SHC3: variants seen among roughly 807,000 people sequenced by gnomAD.
SHC3 encodes SHC-transforming protein 3.
A neutral mutation model predicts 60.4 loss-of-function variants in SHC3; 15 were observed. That is an observed-to-expected ratio of 0.25 (90% CI 0.17 to 0.38). The LOEUF is 0.38. SHC3 is among the 10% of genes least tolerant of loss of function. The probability of loss-of-function intolerance (pLI) is 1.00; values close to 1 mark genes in which losing one functional copy is unlikely to be tolerated. For synonymous variants in SHC3, 294 were observed against 325.9 expected (o/e 0.90, Z 1.05); for missense variants, 677 against 786.1 (o/e 0.86, Z 1.66).
chr9:89,033,618 C>G lies in SHC3; in HGVS notation c.1656+4375G>C, dbSNP rs561095919. ...TTGTTCATCAAATGCTTGTTGAATACTGCTATGTGCCAGGCACTACTCTAC... is the reference window on the plus strand; with the variant it reads ...TTGTTCATCAAATGCTTGTTGAATAGTGCTATGTGCCAGGCACTACTCTAC... On this transcript the variant is annotated intron_variant, in intron 11 of 11. Transcript: ENST00000375835. Among the ~76,000 whole-genome samples, 23 of 152,334 alleles carry G rather than the reference C, an allele frequency of 1.5e-4. No homozygotes were observed. In the East Asian group the frequency reaches 4.0e-3, roughly 27 times the overall value.
intron 10 of SHC3, among the ~76,000 whole-genome samples, chr9:89,039,908 T>C (rs1462412381): frequency 6.6e-6 from 1 of 151,196 alleles, no homozygotes; most frequent in South Asian, 2.1e-4. Flanking sequence ...ATCATCACCA[T>C]CACTGTCACC....
At chr9:89,047,508 A>G (rs1824793336) in intron 7 of SHC3, among the ~76,000 whole-genome samples, 1 of 152,238 alleles carries the variant, frequency 6.6e-6, no homozygotes, top group Non-Finnish European at 1.5e-5. Context: ...CTTAAATGAG[A>G]CATGTATCTA....
intron 6 of SHC3, among the ~76,000 whole-genome samples, chr9:89,052,855 G>A (rs79793724): frequency 9.2e-5 from 14 of 152,296 alleles, no homozygotes; most frequent in East Asian, 1.9e-4. Context: ...TAGGGGTGGC[G>A]GTAGGCCAAA....
intron 6 of SHC3, among the ~76,000 whole-genome samples, chr9:89,058,141 T>C (rs116537789): frequency 0.018 from 2,753 of 152,226 alleles, 81 homozygotes; most frequent in African/African-American, 0.062. Flanking sequence ...GTTTGTGACA[T>C]TTTATTATAA....
chr9:89,170,354 T>C (rs1232058831), intron 1 of SHC3, among the ~76,000 whole-genome samples: 2 of 152,228 alleles, frequency 1.3e-5, no homozygotes, highest in Non-Finnish European at 2.9e-5. Context: ...CCTAGAAAGA[T>C]GCATATGTCG....
intron 2 of SHC3, among the ~76,000 whole-genome samples, chr9:89,096,564 T>G (rs1472798513): frequency 6.6e-6 from 1 of 152,184 alleles, no homozygotes; most frequent in Admixed American, 6.5e-5. Context: ...ATGTGCAAAA[T>G]AAACTGAAAA....
chr9:89,171,124 T>A (rs1332335298), intron 1 of SHC3, among the ~76,000 whole-genome samples: 2 of 152,212 alleles, frequency 1.3e-5, no homozygotes, highest in African/African-American at 4.8e-5. Flanking sequence ...ATAAAAGCCA[T>A]CTGTGACTCC....
chr9:89,105,059 C>A (rs1187447200), intron 2 of SHC3, among the ~76,000 whole-genome samples: 2 of 152,274 alleles, frequency 1.3e-5, no homozygotes, highest in South Asian at 2.1e-4. Context: ...TGCATCCCAG[C>A]CGACTGCAAG....
At chr9:89,048,692 G>A (rs1433549936) in intron 7 of SHC3, among the ~76,000 whole-genome samples, 1 of 152,208 alleles carries the variant, frequency 6.6e-6, no homozygotes, top group African/African-American at 2.4e-5. Flanking sequence ...AATAAATGGA[G>A]TCTTAGTGGC....
chr9:89,013,301 C>T lies in SHC3; in HGVS notation c.*146G>A. The T allele has an allele frequency of 2.0e-6, 2 of 1,014,534 alleles. No homozygotes were observed. The highest frequency in any genetic ancestry group is 2.7e-6 in the Non-Finnish European group (2 of 753,222). 62.8% of individuals were successfully genotyped at this position (1,014,534 alleles called of 1,614,324 possible). A position where few individuals can be genotyped will look rare whatever the true frequency, so the allele number is the denominator to read the frequency against. On this transcript the variant is annotated 3_prime_UTR_variant, in exon 12 of 12. Coordinates refer to ENST00000375835, the MANE Select transcript of SHC3 (RefSeq NM_016848.6). ...GAAATTCAGAACCAAGTTTATGAAACTTGACCTTAAAGGAAGCCTTCCTTT... is the reference window on the plus strand; with the variant it reads ...GAAATTCAGAACCAAGTTTATGAAATTTGACCTTAAAGGAAGCCTTCCTTT...
intron 9 of SHC3, among the ~76,000 whole-genome samples, chr9:89,044,349 T>C (rs1824738433): frequency 6.6e-6 from 1 of 152,236 alleles, no homozygotes; most frequent in South Asian, 2.1e-4. Flanking sequence ...TTTTATTGAC[T>C]GGGCCAGCAC....
chr9:89,026,427 C>T (rs530874005), intron 11 of SHC3, among the ~76,000 whole-genome samples: 3 of 152,158 alleles, frequency 2.0e-5, no homozygotes, highest in Non-Finnish European at 4.4e-5. Context: ...TAAACTCTTT[C>T]AACCAATTGC....
At chr9:89,159,465 A>T (rs1826672859) in intron 1 of SHC3, among the ~76,000 whole-genome samples, 1 of 152,234 alleles carries the variant, frequency 6.6e-6, no homozygotes, top group Non-Finnish European at 1.5e-5. Flanking sequence ...AAGGACTGTC[A>T]TCTGGTAAGG....
At chr9:89,134,341 G>T (rs1291604885) in intron 1 of SHC3, among the ~76,000 whole-genome samples, 1 of 152,048 alleles carries the variant, frequency 6.6e-6, no homozygotes, top group East Asian at 1.9e-4. Flanking sequence ...TTGTTAAAAA[G>T]ATTCTTTGTG....
At chr9:89,167,573 C>T (rs1826808122) in intron 1 of SHC3, among the ~76,000 whole-genome samples, 1 of 152,234 alleles carries the variant, frequency 6.6e-6, no homozygotes, top group African/African-American at 2.4e-5. Context: ...ACCCACCTGA[C>T]CGTGACCTTC....
At chr9:89,040,976 T>A (rs1254245942) in intron 10 of SHC3, among the ~76,000 whole-genome samples, 1 of 152,256 alleles carries the variant, frequency 6.6e-6, no homozygotes, top group Admixed American at 6.5e-5. Flanking sequence ...TCACAAATGA[T>A]AAAGTTAGTT....
chr9:89,056,267 A>T, intron 6 of SHC3, among the ~76,000 whole-genome samples: 1 of 151,780 alleles, frequency 6.6e-6, no homozygotes, highest in African/African-American at 2.4e-5. Context: ...TTTTTTTGAG[A>T]TGGAGTTTCA....
chr9:89,075,094 T>C lies in SHC3; in HGVS notation c.729+15A>G. On this transcript the variant is annotated intron_variant, in intron 4 of 11. Coordinates refer to ENST00000375835, the MANE Select transcript of SHC3 (RefSeq NM_016848.6). ...GGGCTGTGGGCAGGGACAGGGGATC[T>C]GAGCACCCATGTACCTGTTTGGAGT... 1 of 1,612,752 alleles carries C rather than the reference T, an allele frequency of 6.2e-7. No homozygotes were observed. The highest frequency in any genetic ancestry group is 8.5e-7 in the Non-Finnish European group (1 of 1,179,294).
At chr9:89,051,605 C>T (rs781676600) in intron 7 of SHC3, among the ~76,000 whole-genome samples, 2 of 152,224 alleles carry the variant, frequency 1.3e-5, no homozygotes, top group Admixed American at 6.5e-5. Context: ...GAAACTATGC[C>T]GGTAGCCAGC....
Sources: gnomAD v4.1 joint callset for allele counts (sites outside exome capture counted in the v4.1 genomes callset) on GRCh38, gnomAD v4.1.1 for gene constraint, MANE v1.5 for transcripts, NCBI Gene and HGNC (gene_info 2026-07-23, HGNC 2026-07-21) for gene names.